Variants in PRKD1 observed in about 807,000 individuals in gnomAD.
PRKD1 encodes serine/threonine-protein kinase D1.
A neutral mutation model predicts 95.9 loss-of-function variants in PRKD1; 63 were observed. The ratio of observed to expected loss-of-function variants is 0.66; its 90% confidence interval spans 0.54 to 0.81. PRKD1 has a LOEUF of 0.81. PRKD1 is among the 30% of genes least tolerant of loss of function. PRKD1 has a pLI of 0.00. For missense variants in PRKD1, 1,048 were observed against 1,165.3 expected, an observed-to-expected ratio of 0.90 and a Z score of 1.47; for synonymous variants, 425 against 423.1, an observed-to-expected ratio of 1.00 and a Z score of -0.05.
intron 1 of PRKD1, among the ~76,000 whole-genome samples, chr14:29,870,302 G>A (rs1197670178): frequency 6.6e-6 from 1 of 152,066 alleles, no homozygotes; most frequent in African/African-American, 2.4e-5. Context: ...AGTAAGATCA[G>A]AATAAATTGC....
chr14:29,907,102 C>T (rs1358047510), intron 1 of PRKD1, among the ~76,000 whole-genome samples: 1 of 152,146 alleles, frequency 6.6e-6, no homozygotes, highest in African/African-American at 2.4e-5. Flanking sequence ...AATATTTATT[C>T]AGGCCCTACC....
At chr14:29,778,046 T>G (rs1332368465) in intron 1 of PRKD1, among the ~76,000 whole-genome samples, 5 of 152,204 alleles carry the variant, frequency 3.3e-5, no homozygotes, top group African/African-American at 1.2e-4. Context: ...GAATGACTAC[T>G]GGGTAGATAA....
chr14:29,691,898 G>C (rs370402019), intron 2 of PRKD1, among the ~76,000 whole-genome samples: 2 of 151,978 alleles, frequency 1.3e-5, no homozygotes, highest in Non-Finnish European at 2.9e-5. Flanking sequence ...TACAAGTTAT[G>C]GTAGCTAAAA....
chr14:29,654,734 G>A (rs1034377366), intron 4 of PRKD1, among the ~76,000 whole-genome samples: 2 of 152,030 alleles, frequency 1.3e-5, no homozygotes, highest in Non-Finnish European at 2.9e-5. Context: ...TGCACCTCAG[G>A]GTTACAGACA....
At chr14:29,640,266 C>T (rs553181523) in intron 4 of PRKD1, among the ~76,000 whole-genome samples, 1 of 152,116 alleles carries the variant, frequency 6.6e-6, no homozygotes, top group Admixed American at 6.6e-5. Context: ...TATCACCATA[C>T]TCAGTTAATT....
At chr14:29,899,569 C>A (rs1414917444) in intron 1 of PRKD1, among the ~76,000 whole-genome samples, 1 of 152,148 alleles carries the variant, frequency 6.6e-6, no homozygotes, top group South Asian at 2.1e-4. Context: ...ATTGCTTGAA[C>A]CCAGGAGGTG....
chr14:29,923,810 GAAAAAAAA>G (rs768450153), intron 1 of PRKD1, among the ~76,000 whole-genome samples: 2 of 99,990 alleles, frequency 2.0e-5, no homozygotes, highest in African/African-American at 3.6e-5. Context: ...CTCATTTGAG[GAAAAAAAA>G]AAAAAAAAAA....
At chr14:29,597,418 T>C (rs1047374144) in intron 16 of PRKD1, 73 bp downstream of exon 16, 9 of 1,348,340 alleles carry the variant, frequency 6.7e-6, no homozygotes, top group East Asian at 2.6e-5. Flanking sequence ...TAATTTACAA[T>C]TAAATTAATT....
At chr14:29,629,985 CTCCTCT>C (rs879830653) in intron 10 of PRKD1, among the ~76,000 whole-genome samples, 120 of 95,234 alleles carry the variant, frequency 1.3e-3, no homozygotes, top group South Asian at 3.6e-3. Context: ...CCTCTTCCTC[CTCCTCT>C]TCTTCTTCTT....
chr14:29,715,948 A>G (rs1594453782), intron 2 of PRKD1, among the ~76,000 whole-genome samples: 1 of 152,312 alleles, frequency 6.6e-6, no homozygotes, highest in East Asian at 1.9e-4. Context: ...GCCTTACTAT[A>G]TTTTTTAGAA....
chr14:29,602,316 A>T (rs1486589322), intron 13 of PRKD1, among the ~76,000 whole-genome samples: 4 of 151,978 alleles, frequency 2.6e-5, no homozygotes, highest in African/African-American at 9.7e-5. Context: ...GCTTCTGCTG[A>T]TCTTAGATTC....
At chr14:29,615,954 G>GGACAC (rs1878824838) in intron 13 of PRKD1, among the ~76,000 whole-genome samples, 1 of 152,088 alleles carries the variant, frequency 6.6e-6, no homozygotes, top group Non-Finnish European at 1.5e-5. Flanking sequence ...GCAAAGTGGA[G>GGACAC]ATGTCCTAAG....
intron 1 of PRKD1, among the ~76,000 whole-genome samples, chr14:29,809,945 C>G (rs1013765903): frequency 3.3e-5 from 5 of 152,148 alleles, no homozygotes; most frequent in Non-Finnish European, 7.4e-5. Context: ...TGTGACTCTT[C>G]CTTTCACTTG....
intron 1 of PRKD1, among the ~76,000 whole-genome samples, chr14:29,767,859 A>G (rs1011378686): frequency 1.3e-5 from 2 of 152,198 alleles, no homozygotes; most frequent in African/African-American, 4.8e-5. Flanking sequence ...AGATTTTTTA[A>G]AAGTTGTTTG....
chr14:29,847,295 A>G (rs964147119), intron 1 of PRKD1, among the ~76,000 whole-genome samples: 3 of 152,182 alleles, frequency 2.0e-5, no homozygotes, highest in Non-Finnish European at 4.4e-5. Flanking sequence ...TAAATGCTAA[A>G]CAACTCATCA....
chr14:29,586,968 G>A lies in PRKD1; in HGVS notation c.2435-8608C>T, dbSNP rs145079831. Among the ~76,000 whole-genome samples, 228 of 152,252 alleles carry A rather than the reference G, an allele frequency of 1.5e-3. 1 individual carries two copies. The highest frequency in any genetic ancestry group is 4.9e-3 in the African/African-American group (203 of 41,536). ...ACTCATTGACCCTTAAGTCAGATCA[G>A]TCCTGAGGGTTGACTATAAGATAAC... On this transcript the variant is annotated intron_variant, in intron 16 of 17. Transcript: ENST00000331968.
chr14:29,922,241 C>G (rs767003132), intron 1 of PRKD1, among the ~76,000 whole-genome samples: 1 of 147,244 alleles, frequency 6.8e-6, no homozygotes, highest in Non-Finnish European at 1.5e-5. Context: ...GCAGAGTTTG[C>G]AGTGAGCCGA....
chr14:29,795,808 C>T (rs45584933), intron 1 of PRKD1, among the ~76,000 whole-genome samples: 3,124 of 152,066 alleles, frequency 0.021, 100 homozygotes, highest in African/African-American at 0.057. Context: ...AGAAATAGTC[C>T]GTGGACTATG....
At chr14:29,697,200 A>C (rs28669180) in intron 2 of PRKD1, among the ~76,000 whole-genome samples, 76,571 of 150,798 alleles carry the variant, frequency 0.51, 21,673 homozygotes, top group African/African-American at 0.77. Flanking sequence ...ACCACCACCA[A>C]CAACAAAAAT....
Sources: gnomAD v4.1 joint callset for allele counts (sites outside exome capture counted in the v4.1 genomes callset) on GRCh38, gnomAD v4.1.1 for gene constraint, MANE v1.5 for transcripts, NCBI Gene and HGNC (gene_info 2026-07-23, HGNC 2026-07-21) for gene names.